FBXL13: variants seen among roughly 807,000 people sequenced by gnomAD.
The protein encoded by FBXL13 is F-box and leucine-rich repeat protein 13.
Under a neutral mutation model 83.6 loss-of-function variants are expected in FBXL13, and 67 were observed. The ratio of observed to expected loss-of-function variants is 0.80; its 90% CI spans 0.66 to 0.98. The LOEUF (loss-of-function observed/expected upper bound fraction) is 0.98, where lower values mean the gene tolerates loss of function less well. Ranked by LOEUF, FBXL13 falls within the 50% of genes least tolerant of loss-of-function variation. The pLI, the probability that FBXL13 is intolerant of heterozygous loss-of-function variation, is 0.00. For synonymous variants in FBXL13, 272 were observed against 299.5 expected, an observed-to-expected ratio of 0.91 and a Z score of 0.95; for missense variants, 822 against 866.5, an observed-to-expected ratio of 0.95 and a Z score of 0.64.
intron 8 of FBXL13, among the ~76,000 whole-genome samples, chr7:102,942,578 T>A (rs562531374): frequency 6.6e-6 from 1 of 152,318 alleles, no homozygotes; most frequent in East Asian, 1.9e-4. Context: ...ATGCTTTTAA[T>A]CTCAAAGTCT....
At chr7:102,991,652 A>G (rs1157057742) in intron 6 of FBXL13, among the ~76,000 whole-genome samples, 3 of 152,208 alleles carry the variant, frequency 2.0e-5, no homozygotes, top group Non-Finnish European at 4.4e-5. Context: ...GTAGTGCAAT[A>G]AAAGGAGGGC....
At chr7:103,018,231 A>G (rs1018297146) in intron 6 of FBXL13, among the ~76,000 whole-genome samples, 32 of 152,340 alleles carry the variant, frequency 2.1e-4, no homozygotes, top group Admixed American at 2.0e-3. Context: ...ACTAAGCTTC[A>G]TAAGTGAAGG....
chr7:103,025,551 T>C (rs1793805217), intron 5 of FBXL13, among the ~76,000 whole-genome samples: 1 of 152,106 alleles, frequency 6.6e-6, no homozygotes, highest in African/African-American at 2.4e-5. Context: ...AAACTGGTAA[T>C]TGGTGCATGG....
intron 6 of FBXL13, among the ~76,000 whole-genome samples, chr7:102,978,094 C>T (rs574915627): frequency 6.6e-6 from 1 of 152,250 alleles, no homozygotes; most frequent in Non-Finnish European, 1.5e-5. Flanking sequence ...TACCCTAAAA[C>T]TTAAAGTATA....
chr7:102,883,679 C>A, exon 13 of FBXL13: 1 of 1,595,546 alleles, frequency 6.3e-7, no homozygotes, highest in Non-Finnish European at 8.6e-7. Flanking sequence ...CATTTTTCAA[C>A]TAAAGCCTTT....
At chr7:103,053,843 GGAT>G (rs1350331762) in intron 2 of FBXL13, among the ~76,000 whole-genome samples, 1 of 152,172 alleles carries the variant, frequency 6.6e-6, no homozygotes, top group Non-Finnish European at 1.5e-5. Flanking sequence ...AGATCAAGTA[GGAT>G]GGGATACATG....
intron 6 of FBXL13, among the ~76,000 whole-genome samples, chr7:102,990,964 C>A (rs1585264417): frequency 6.6e-6 from 1 of 152,238 alleles, no homozygotes; most frequent in Admixed American, 6.5e-5. Context: ...GAGATTTTAA[C>A]CAGGAAGTGA....
intron 15 of FBXL13, among the ~76,000 whole-genome samples, chr7:102,877,978 T>C (rs935986367): frequency 1.3e-5 from 2 of 150,018 alleles, no homozygotes; most frequent in Non-Finnish European, 2.9e-5. Flanking sequence ...GAGTCAAGAA[T>C]AAACCAGCCA....
intron 6 of FBXL13, among the ~76,000 whole-genome samples, chr7:103,009,566 G>C (rs1791368074): frequency 6.6e-6 from 1 of 152,238 alleles, no homozygotes; most frequent in Non-Finnish European, 1.5e-5. Flanking sequence ...AAGCCAGTCA[G>C]ACATTTTTGA....
chr7:103,019,601 G>T (rs1792872300), intron 6 of FBXL13, among the ~76,000 whole-genome samples: 1 of 151,792 alleles, frequency 6.6e-6, no homozygotes, highest in Middle Eastern at 3.4e-3. Flanking sequence ...AAGAAAAGAG[G>T]GAAGAATCAA....
chr7:102,882,740 C>G (rs999988697), intron 14 of FBXL13, among the ~76,000 whole-genome samples: 5 of 151,572 alleles, frequency 3.3e-5, no homozygotes, highest in African/African-American at 1.2e-4. Flanking sequence ...CCAGCCTGGG[C>G]AACAGAGCGA....
At chr7:102,843,283 A>C (rs979676006) in intron 17 of FBXL13, among the ~76,000 whole-genome samples, 4 of 152,058 alleles carry the variant, frequency 2.6e-5, no homozygotes, top group African/African-American at 9.7e-5. Context: ...GTCTCTACTA[A>C]AAATACAAAA....
intron 8 of FBXL13, among the ~76,000 whole-genome samples, chr7:102,962,838 G>C (rs1359575612): frequency 2.0e-5 from 3 of 151,296 alleles, no homozygotes; most frequent in South Asian, 2.1e-4. Flanking sequence ...GTTGTGGGGT[G>C]GGGGGAAGGG....
chr7:102,932,811 G>C (rs1819480062), intron 8 of FBXL13, among the ~76,000 whole-genome samples: 1 of 152,060 alleles, frequency 6.6e-6, no homozygotes, highest in Admixed American at 6.5e-5. Context: ...GTTTCCCCAT[G>C]CTGCTCAGAC....
intron 2 of FBXL13, among the ~76,000 whole-genome samples, chr7:103,037,998 C>G (rs983531530): frequency 6.6e-6 from 1 of 152,078 alleles, no homozygotes; most frequent in Non-Finnish European, 1.5e-5. Context: ...GGTAGGGCAT[C>G]GCCTCACCCA....
chr7:102,899,996 G>A (rs1024623839), intron 11 of FBXL13, among the ~76,000 whole-genome samples: 1 of 151,574 alleles, frequency 6.6e-6, no homozygotes, highest in Admixed American at 6.6e-5. Flanking sequence ...GCAGTGAACC[G>A]AGATCACACC....
At chr7:103,006,000 A>G (rs1431347016) in intron 6 of FBXL13, among the ~76,000 whole-genome samples, 1 of 152,228 alleles carries the variant, frequency 6.6e-6, no homozygotes, top group Non-Finnish European at 1.5e-5. Flanking sequence ...AATATTAAAA[A>G]TGGAAAAAAT....
At chr7:103,049,476 C>A (rs1343164965) in intron 2 of FBXL13, among the ~76,000 whole-genome samples, 1 of 152,136 alleles carries the variant, frequency 6.6e-6, no homozygotes, top group Non-Finnish European at 1.5e-5. Context: ...AATTAGAGTT[C>A]TTTTATACAA....
intron 16 of FBXL13, among the ~76,000 whole-genome samples, chr7:102,859,788 G>A (rs1021192010): frequency 1.3e-5 from 2 of 152,210 alleles, no homozygotes; most frequent in African/African-American, 2.4e-5. Flanking sequence ...TTTTGCTGGA[G>A]AGAGGTTTTG....
Sources: allele counts gnomAD v4.1 joint callset (sites outside exome capture counted in the v4.1 genomes callset), GRCh38; gene constraint gnomAD v4.1.1; transcripts MANE v1.5; gene names NCBI Gene and HGNC (gene_info 2026-07-23, HGNC 2026-07-21).